RBM10: variants seen among roughly 807,000 people sequenced by gnomAD.
RBM10 encodes RNA-binding protein 10.
In RBM10, 1 loss-of-function variant was observed where a neutral mutation model predicts 84.9. The ratio of observed to expected loss-of-function variants is 0.01; its 90% confidence interval spans 0.00 to 0.06. The LOEUF (loss-of-function observed/expected upper bound fraction) is 0.06. RBM10 is among the 10% of genes least tolerant of loss of function. The pLI is 1.00. For missense variants in RBM10, 438 were observed against 839.0 expected, an observed-to-expected ratio of 0.52 and a Z score of 5.90; for synonymous variants, 326 against 344.5, an observed-to-expected ratio of 0.95 and a Z score of 0.60.
At chrX:47,168,254 G>GA (rs1906782226) in intron 2 of RBM10, among the ~76,000 whole-genome samples, 1 of 111,665 alleles carries the variant, frequency 9.0e-6, no homozygotes, top group Non-Finnish European at 1.9e-5. Context: ...ACTCACCAAA[G>GA]AAACACAGAT....
chrX:47,148,910 G>A, intron 2 of RBM10, among the ~76,000 whole-genome samples: 1 of 87,958 alleles, frequency 1.1e-5, no homozygotes, highest in African/African-American at 4.2e-5. Flanking sequence ...ATCCTTCTAT[G>A]ATACATATCA....
rs2147228473 is a variant in RBM10 at position 47,186,464 on chromosome X, C to T, written c.2668-10C>T. On this transcript the variant is annotated splice_polypyrimidine_tract_variant and intron_variant, in intron 23 of 23. Coordinates refer to ENST00000377604, the MANE Select transcript of RBM10 (RefSeq NM_005676.5). ...CCACCAGCCTGACAGAGCCTGCCTC[C>T]CTCACACAGGCCCAAACACGGGTGC... 8.3e-7 allele frequency: 1 copy of T among 1,205,994 alleles called. No individual in the cohort carries two copies. The highest frequency in any genetic ancestry group is 1.1e-6 in the Non-Finnish European group (1 of 892,346).
chrX:47,177,640 C>T (rs1221695591), intron 7 of RBM10, among the ~76,000 whole-genome samples: 4 of 106,349 alleles, frequency 3.8e-5, no homozygotes, highest in African/African-American at 1.4e-4. Context: ...TTTTTTGAGA[C>T]AGGATCTGGC....
chrX:47,168,086 T>A (rs781947794), intron 2 of RBM10, among the ~76,000 whole-genome samples: 3 of 112,171 alleles, frequency 2.7e-5, no homozygotes, highest in Non-Finnish European at 5.6e-5. Context: ...CATCTAGTTT[T>A]TTCTATTTTA....
intron 2 of RBM10, among the ~76,000 whole-genome samples, chrX:47,158,350 G>A (rs1556765840): frequency 1.8e-5 from 2 of 112,044 alleles, no homozygotes; most frequent in East Asian, 2.8e-4. Flanking sequence ...GTGGTGTCAC[G>A]GTCTCCACAA....
rs1934796244 is a variant in RBM10 at position 47,173,110 on chromosome X, CTG to C, written c.433-16_433-15del. On this transcript the variant is annotated splice_polypyrimidine_tract_variant and intron_variant, in intron 4 of 23. Coordinates refer to ENST00000377604, the MANE Select transcript of RBM10 (RefSeq NM_005676.5). ...CCCATTGTGCTGAGCCTGCCCTACT[CTG>C]TATCTCCCCGTATAGATCCGTGGCC... 2.5e-6 allele frequency: 3 copies of C among 1,212,373 alleles called. No individual in the cohort carries two copies. The highest frequency in any genetic ancestry group is 3.4e-5 in the African/African-American group (2 of 58,021).
intron 5 of RBM10, among the ~76,000 whole-genome samples, chrX:47,174,464 A>G (rs1934964058): frequency 9.0e-6 from 1 of 110,990 alleles, no homozygotes; most frequent in East Asian, 2.9e-4. Flanking sequence ...CTGGTTTCCA[A>G]TGGGCCAAGA....
Position 47,179,183 on chromosome X carries a change from C to T in RBM10, c.724+20C>T, listed in dbSNP as rs1375225765. 14 of 1,207,107 alleles carry T rather than the reference C, an allele frequency of 1.2e-5. No homozygotes were observed. In the East Asian group the frequency reaches 1.5e-4, roughly 13 times the overall value. Reference sequence around the variant, plus strand: ...AGTCAGGTGAGGCCCACCTACCTCTCGTGCTCTCCAGGGCGGAGCGGTTGG... The same window carrying T: ...AGTCAGGTGAGGCCCACCTACCTCTTGTGCTCTCCAGGGCGGAGCGGTTGG... On this transcript the variant is annotated intron_variant, in intron 8 of 23. Transcript: ENST00000377604.
intron 2 of RBM10, among the ~76,000 whole-genome samples, chrX:47,155,146 CAAAAAAAAAAA>C (rs782034292): frequency 3.7e-5 from 1 of 27,357 alleles, no homozygotes; most frequent in Non-Finnish European, 6.8e-5. Flanking sequence ...GACTCCCTCT[CAAAAAAAAAAA>C]AAAAAAAAAA....
chrX:47,186,628 T>C lies in RBM10; in HGVS notation c.*29T>C. On this transcript the variant is annotated 3_prime_UTR_variant, in exon 24 of 24. Transcript: ENST00000377604. ...GCTTCAAGAGCAACTTCTCCACATG[T>C]TGGGTGTCCATCCTGGGGCAGGGAA... 1 of 1,209,832 alleles carries C rather than the reference T, an allele frequency of 8.3e-7. No individual in the cohort carries two copies.
chrX:47,147,582 T>C (rs907752400), intron 2 of RBM10, 84 bp downstream of exon 2: 3 of 1,114,474 alleles, frequency 2.7e-6, no homozygotes, highest in African/African-American at 3.6e-5. Context: ...AGGATGGGGC[T>C]TCTGGGTAGA....
rs369088033 is a variant in RBM10 at position 47,173,155 on chromosome X, G to A, written c.460G>A (p.Val154Met). Residue 154 changes from valine (V) to methionine (M), a missense_variant, in exon 5 of 24, where the codon GTG (valine) becomes ATG (methionine). Coordinates refer to ENST00000377604, the MANE Select transcript of RBM10 (RefSeq NM_005676.5). ...CCGTGGCCAGCTGCAGTCGCACGGC[G>A]TGCAAGCACGGGAGGTTCGGCTGAT... Reference protein sequence around the residue: ...DIRGQLQSHGVQAREVRLMRN... With the variant: ...DIRGQLQSHGMQAREVRLMRN... 4.1e-6 allele frequency: 5 copies of A among 1,212,208 alleles called. No individual in the cohort carries two copies. Among genetic ancestry groups the A allele is most frequent in the South Asian group, 3.5e-5 (2 of 57,030 alleles).
At chrX:47,158,122 A>G in intron 2 of RBM10, 1 of 218,654 alleles carries the variant, frequency 4.6e-6, no homozygotes. Context: ...CCTCCGCTAA[A>G]GCCGGGAAAT....
rs1556772929 is a variant in RBM10 at position 47,171,185 on chromosome X, A to T, written c.359A>T (p.Asp120Val). ...GGGGAGGAGGAGGAGGAGGAGGAGG[A>T]TGAGGAGGAGGAGGAGAAGGCCAGT... ...EQGEEEEEEEDEEEEEKASNI... is the reference protein window; with the variant it reads ...EQGEEEEEEEVEEEEEKASNI... The change falls in exon 4 of 24, where the codon GAT becomes GTT. Residue 120 changes from aspartate to valine, a missense_variant. Physicochemically the swap from Asp to Val is radical, Grantham distance 152. This residue lies in a region of RBM10 where 92 missense variants were observed against 134.3 expected (regional missense o/e 0.69). Coordinates refer to ENST00000377604, the MANE Select transcript of RBM10 (RefSeq NM_005676.5). 5.0e-6 allele frequency: 6 copies of T among 1,205,946 alleles called. No individual in the cohort carries two copies. Among genetic ancestry groups the T allele is most frequent in the Non-Finnish European group, 6.7e-6 (6 of 893,646 alleles).
chrX:47,159,208 G>C (rs1933444877), intron 2 of RBM10, among the ~76,000 whole-genome samples: 1 of 111,525 alleles, frequency 9.0e-6, no homozygotes, highest in African/African-American at 3.3e-5. Context: ...TAGGGAGTTC[G>C]AGACCAGCCT....
At chrX:47,162,641 C>G (rs1455275973) in intron 2 of RBM10, among the ~76,000 whole-genome samples, 1 of 109,825 alleles carries the variant, frequency 9.1e-6, no homozygotes. Flanking sequence ...TTTGGGAGGG[C>G]GAGGGGGGCG....
At chrX:47,174,935 C>A (rs1413183050) in intron 5 of RBM10, 84 bp from the exon 6 acceptor site, 1 of 754,489 alleles carries the variant, frequency 1.3e-6, no homozygotes, top group East Asian at 3.2e-5. Flanking sequence ...CCCGTCCTCT[C>A]CCCTCGGGTC....
chrX:47,164,490 C>T (rs1556768110), intron 2 of RBM10, among the ~76,000 whole-genome samples: 1 of 106,001 alleles, frequency 9.4e-6, no homozygotes, highest in Non-Finnish European at 1.9e-5. Context: ...CCACTGCCCT[C>T]CAGCCTGGGT....
chrX:47,164,236 C>T (rs1428838701), intron 2 of RBM10, among the ~76,000 whole-genome samples: 3 of 111,180 alleles, frequency 2.7e-5, no homozygotes, highest in African/African-American at 9.8e-5. Flanking sequence ...AATGGGAAAA[C>T]ATATTTGTAA....
Sources: gnomAD v4.1 joint callset for allele counts (sites outside exome capture counted in the v4.1 genomes callset) on GRCh38, gnomAD v4.1.1 for gene constraint, gnomAD v4.1.1 regional missense constraint, MANE v1.5 for transcripts, NCBI Gene and HGNC (gene_info 2026-07-23, HGNC 2026-07-21) for gene names.